Variants in RALYL observed in about 807,000 individuals in gnomAD.
RALYL encodes the protein RNA-binding Raly-like protein.
A neutral mutation model predicts 35.1 loss-of-function variants in RALYL; 29 were observed. The observed-to-expected ratio is 0.83, with a 90% CI of 0.61 to 1.13. RALYL has a LOEUF of 1.13. RALYL is among the 50% of genes most tolerant of loss of function. The pLI, the probability that RALYL is intolerant of heterozygous loss-of-function variation, is 0.00. For missense variants in RALYL, 359 were observed against 360.4 expected, an observed-to-expected ratio of 1.00 and a Z score of 0.03; for synonymous variants, 120 against 127.6, an observed-to-expected ratio of 0.94 and a Z score of 0.40.
chr8:84,524,473 A>G (rs1170548451), intron 1 of RALYL, among the ~76,000 whole-genome samples: 1 of 152,222 alleles, frequency 6.6e-6, no homozygotes, highest in Non-Finnish European at 1.5e-5. Flanking sequence ...GAGGATGTGG[A>G]GAAATAGGAA....
rs2046465025 is a variant in RALYL at position 84,426,469 on chromosome 8, TGTGTGG to T, written c.-23-102827_-23-102822del. 2.0e-5 allele frequency among the ~76,000 whole-genome samples: 3 copies of T among 147,846 alleles called. 1 individual carries two copies. The highest frequency in any genetic ancestry group is 4.7e-4 in the South Asian group (2 of 4,280). On this transcript the variant is annotated intron_variant, in intron 1 of 8. Coordinates refer to ENST00000521268, the MANE Select transcript of RALYL (RefSeq NM_173848.7). ...GTGTGTGTGTGTGTGTGTGTGTGTG[TGTGTGG>T]GTTTAGATTTCACATATAAGTGAGA...
intron 1 of RALYL, among the ~76,000 whole-genome samples, chr8:84,289,635 T>G (rs1353645689): frequency 6.6e-6 from 1 of 152,184 alleles, no homozygotes; most frequent in Admixed American, 6.5e-5. Flanking sequence ...TTTCCAGATT[T>G]TATGTTTATT....
intron 1 of RALYL, among the ~76,000 whole-genome samples, chr8:84,264,212 C>T (rs918300686): frequency 2.6e-5 from 4 of 152,178 alleles, no homozygotes; most frequent in South Asian, 2.1e-4. Context: ...AATGGTTGAA[C>T]TAATTTACAC....
intron 2 of RALYL, among the ~76,000 whole-genome samples, chr8:84,716,808 AT>A (rs1254102391): frequency 6.6e-6 from 1 of 152,196 alleles, no homozygotes; most frequent in Non-Finnish European, 1.5e-5. Context: ...AATTTATTTG[AT>A]TTTGAAATAA....
At chr8:84,760,745 G>A (rs1389833319) in intron 2 of RALYL, among the ~76,000 whole-genome samples, 3 of 152,000 alleles carry the variant, frequency 2.0e-5, no homozygotes, top group Admixed American at 6.6e-5. Flanking sequence ...TCTCATAAAA[G>A]CAAAGAAGGG....
intron 2 of RALYL, among the ~76,000 whole-genome samples, chr8:84,732,334 C>T (rs751032480): frequency 3.9e-5 from 6 of 152,004 alleles, no homozygotes; most frequent in Non-Finnish European, 7.4e-5. Flanking sequence ...TCTAGCTTCT[C>T]CATTTACTAA....
chr8:84,222,979 T>C (rs989075040), intron 1 of RALYL, among the ~76,000 whole-genome samples: 1 of 152,132 alleles, frequency 6.6e-6, no homozygotes, highest in Non-Finnish European at 1.5e-5. Flanking sequence ...AATTTCTCCA[T>C]TTAGAGAATA....
At chr8:84,866,680 G>A (rs1292425054) in intron 6 of RALYL, among the ~76,000 whole-genome samples, 1 of 152,050 alleles carries the variant, frequency 6.6e-6, no homozygotes, top group Non-Finnish European at 1.5e-5. Flanking sequence ...TTAGAACAGT[G>A]TCGGCTAATA....
intron 1 of RALYL, among the ~76,000 whole-genome samples, chr8:84,473,302 T>C (rs1465000518): frequency 1.3e-5 from 2 of 151,606 alleles, no homozygotes; most frequent in South Asian, 4.1e-4. Flanking sequence ...GGCAATAATA[T>C]TAGATTTAAA....
chr8:84,327,665 A>C (rs1040493919), intron 1 of RALYL, among the ~76,000 whole-genome samples: 1 of 151,014 alleles, frequency 6.6e-6, no homozygotes, highest in African/African-American at 2.4e-5. Context: ...AATCCTTTCT[A>C]TCTGGCCCTT....
chr8:84,602,676 C>A (rs1816235146), intron 2 of RALYL, among the ~76,000 whole-genome samples: 1 of 152,102 alleles, frequency 6.6e-6, no homozygotes, highest in Non-Finnish European at 1.5e-5. Context: ...CTATCACTTG[C>A]ATTCATTTCC....
chr8:84,849,889 T>C, intron 4 of RALYL, 91 bp from the exon 5 acceptor site: 1 of 678,112 alleles, frequency 1.5e-6, no homozygotes, highest in Non-Finnish European at 2.4e-6. Context: ...ATTTTAAAAG[T>C]AACAAATTTT....
chr8:84,197,305 TC>T (rs1286700674), intron 1 of RALYL, among the ~76,000 whole-genome samples: 1 of 152,210 alleles, frequency 6.6e-6, no homozygotes, highest in Non-Finnish European at 1.5e-5. Context: ...CTCATTTTCT[TC>T]CCCACATTCT....
chr8:84,356,937 A>G (rs573013483), intron 1 of RALYL, among the ~76,000 whole-genome samples: 6 of 152,246 alleles, frequency 3.9e-5, no homozygotes, highest in African/African-American at 1.4e-4. Flanking sequence ...TGGAATCACA[A>G]CAAACACAGC....
intron 1 of RALYL, among the ~76,000 whole-genome samples, chr8:84,499,436 C>T (rs981945453): frequency 1.3e-5 from 2 of 152,110 alleles, no homozygotes; most frequent in African/African-American, 2.4e-5. Context: ...TCGAAAATAA[C>T]TGATAAGATC....
intron 1 of RALYL, among the ~76,000 whole-genome samples, chr8:84,394,641 G>T (rs1038169444): frequency 1.3e-5 from 2 of 151,470 alleles, no homozygotes; most frequent in Non-Finnish European, 2.9e-5. Flanking sequence ...ATGCTATAAT[G>T]AACTATTTAC....
intron 1 of RALYL, among the ~76,000 whole-genome samples, chr8:84,284,881 G>A (rs1233062098): frequency 6.6e-6 from 1 of 152,104 alleles, no homozygotes; most frequent in Non-Finnish European, 1.5e-5. Context: ...TAATAACTAG[G>A]AAACCTAAAA....
intron 2 of RALYL, among the ~76,000 whole-genome samples, chr8:84,750,702 T>C (rs567111425): frequency 1.3e-5 from 2 of 152,054 alleles, no homozygotes; most frequent in Non-Finnish European, 2.9e-5. Context: ...GTGGGACTGA[T>C]GGCTGTATGA....
chr8:84,320,069 C>G (rs1320157856), intron 1 of RALYL, among the ~76,000 whole-genome samples: 1 of 151,802 alleles, frequency 6.6e-6, no homozygotes, highest in Non-Finnish European at 1.5e-5. Flanking sequence ...CGTTTGAATT[C>G]CAGTCTCTAT....
Sources: gnomAD v4.1 joint callset for allele counts (sites outside exome capture counted in the v4.1 genomes callset) on GRCh38, gnomAD v4.1.1 for gene constraint, MANE v1.5 for transcripts, NCBI Gene and HGNC (gene_info 2026-07-23, HGNC 2026-07-21) for gene names.